The following AUH variants were observed in gnomAD, a reference collection of about 807,000 sequenced individuals.
AUH encodes AU RNA binding methylglutaconyl-CoA hydratase, also known as methylglutaconyl-CoA hydratase, mitochondrial.
In AUH, 29 loss-of-function variants were observed where a neutral mutation model predicts 42.3. That is an observed-to-expected ratio of 0.69 (90% CI 0.51 to 0.93). The LOEUF (loss-of-function observed/expected upper bound fraction) is 0.93, where lower values mean the gene tolerates loss of function less well. Ranked by LOEUF, AUH falls within the 40% of genes least tolerant of loss-of-function variation. The pLI is 0.00. For synonymous variants in AUH, 174 were observed against 166.4 expected, an observed-to-expected ratio of 1.05 and a Z score of -0.35; for missense variants, 452 against 438.1, an observed-to-expected ratio of 1.03 and a Z score of -0.28.
intron 6 of AUH, among the ~76,000 whole-genome samples, chr9:91,269,592 G>C (rs973564863): frequency 3.3e-5 from 5 of 152,110 alleles, no homozygotes; most frequent in African/African-American, 9.7e-5. Context: ...ATTTTATTCT[G>C]TATTAATGAA....
rs191784670 is a variant in AUH at position 91,286,482 on chromosome 9, T to G, written c.655+9539A>C. ...ACTATAGCTTCTTTTCCTGAAAAGT[T>G]TCTAAGATAATCCTAAAAATATGCC... On this transcript the variant is annotated intron_variant, in intron 6 of 9. Transcript: ENST00000375731. Among the ~76,000 whole-genome samples, 81 of 152,284 alleles carry G rather than the reference T, an allele frequency of 5.3e-4. 1 individual carries two copies. Among genetic ancestry groups the G allele is most frequent in the Non-Finnish European group, 9.9e-4 (67 of 68,002 alleles).
At chr9:91,330,143 AT>A (rs1323982353) in intron 3 of AUH, among the ~76,000 whole-genome samples, 1 of 152,234 alleles carries the variant, frequency 6.6e-6, no homozygotes, top group African/African-American at 2.4e-5. Context: ...TATAAGCTCA[AT>A]ATACAAAAAT....
rs778189176 is a variant in AUH at position 91,325,411 on chromosome 9, A to C, written c.419-7T>G. The C allele has an allele frequency of 1.2e-5, 20 of 1,612,932 alleles. No individual in the cohort carries two copies. The South Asian group carries it at 2.1e-4, about 17-fold the overall frequency. On this transcript the variant is annotated splice_polypyrimidine_tract_variant and splice_region_variant and intron_variant, in intron 3 of 9. Coordinates refer to ENST00000375731, the MANE Select transcript of AUH (RefSeq NM_001698.3). ...CTTTCCTTAAGGTCAGCACCTGCAAAGTATTTTATTTACAAATATAATCTA... is the reference window on the plus strand; with the variant it reads ...CTTTCCTTAAGGTCAGCACCTGCAACGTATTTTATTTACAAATATAATCTA...
intron 1 of AUH, among the ~76,000 whole-genome samples, chr9:91,359,861 C>G (rs1386349206): frequency 1.3e-5 from 2 of 152,190 alleles, no homozygotes; most frequent in Non-Finnish European, 2.9e-5. Flanking sequence ...TTTCTTTGCA[C>G]TGCTTATTGC....
rs1294061484 is a variant in AUH at position 91,214,026 on chromosome 9, T to C, written c.*322A>G. ...TAGACATACAATCAATATTATTCCCTAGAATGTGCAATATATAAATTATTC... is the reference window on the plus strand; with the variant it reads ...TAGACATACAATCAATATTATTCCCCAGAATGTGCAATATATAAATTATTC... On this transcript the variant is annotated 3_prime_UTR_variant, in exon 10 of 10. Transcript: ENST00000375731. The C allele has an allele frequency of 3.5e-6, 1 of 284,554 alleles. No individual in the cohort carries two copies. The highest frequency in any genetic ancestry group is 6.8e-6 in the Non-Finnish European group (1 of 147,494). The allele number at this position is 284,554 out of a possible 1,614,324, so 17.6% of individuals were successfully genotyped here.
At chr9:91,290,241 C>A (rs183127872) in intron 6 of AUH, among the ~76,000 whole-genome samples, 4 of 152,228 alleles carry the variant, frequency 2.6e-5, no homozygotes, top group Admixed American at 6.5e-5. Flanking sequence ...CATAGTGAGA[C>A]CCTGCCTCTA....
At chr9:91,310,998 C>T (rs1828661657) in intron 4 of AUH, among the ~76,000 whole-genome samples, 2 of 152,138 alleles carry the variant, frequency 1.3e-5, no homozygotes, top group African/African-American at 2.4e-5. Context: ...TCCCAATTCT[C>T]AAACTGAAAG....
At chr9:91,247,828 G>C (rs1280267294) in intron 6 of AUH, among the ~76,000 whole-genome samples, 1 of 152,136 alleles carries the variant, frequency 6.6e-6, no homozygotes, top group East Asian at 1.9e-4. Context: ...TGAAGTGTCT[G>C]CTTAAATATC....
intron 1 of AUH, among the ~76,000 whole-genome samples, chr9:91,359,017 G>C (rs1193535591): frequency 6.6e-6 from 1 of 152,000 alleles, no homozygotes; most frequent in African/African-American, 2.4e-5. Context: ...ACATAACCTA[G>C]AAAGTTTACC....
At chr9:91,294,374 TCCGTCTCTA>T (rs947356960) in intron 6 of AUH, among the ~76,000 whole-genome samples, 2 of 152,030 alleles carry the variant, frequency 1.3e-5, no homozygotes, top group African/African-American at 4.8e-5. Context: ...ATGGTGAAAC[TCCGTCTCTA>T]CAAAAAATAC....
intron 6 of AUH, among the ~76,000 whole-genome samples, chr9:91,224,840 C>T (rs1827345097): frequency 6.6e-6 from 1 of 152,102 alleles, no homozygotes; most frequent in Non-Finnish European, 1.5e-5. Context: ...ACTGTCCCCT[C>T]CACCCCTCAG....
intron 6 of AUH, among the ~76,000 whole-genome samples, chr9:91,252,484 AT>A (rs1472687643): frequency 6.6e-6 from 1 of 152,038 alleles, no homozygotes; most frequent in Non-Finnish European, 1.5e-5. Context: ...CATCACCCTC[AT>A]TTTGCAGAAC....
At chr9:91,249,970 C>A (rs1405242342) in intron 6 of AUH, among the ~76,000 whole-genome samples, 5 of 151,646 alleles carry the variant, frequency 3.3e-5, no homozygotes, top group Non-Finnish European at 7.4e-5. Context: ...TGAGATAGTG[C>A]CCCTGCACTC....
intron 3 of AUH, among the ~76,000 whole-genome samples, chr9:91,346,140 G>A (rs1831491077): frequency 6.6e-6 from 1 of 151,918 alleles, no homozygotes; most frequent in South Asian, 2.1e-4. Flanking sequence ...CTGAGTTTAT[G>A]CTAATGAACT....
chr9:91,298,658 C>T (rs1370188902), intron 4 of AUH, among the ~76,000 whole-genome samples: 1 of 152,190 alleles, frequency 6.6e-6, no homozygotes, highest in Admixed American at 6.5e-5. Context: ...GCAAGATGCC[C>T]TGAGAACCTG....
chr9:91,351,716 G>A (rs1478651868), intron 3 of AUH, among the ~76,000 whole-genome samples: 3 of 152,184 alleles, frequency 2.0e-5, no homozygotes, highest in African/African-American at 4.8e-5. Flanking sequence ...TCTCATAGGA[G>A]CACAAACCCT....
intron 6 of AUH, among the ~76,000 whole-genome samples, chr9:91,246,915 C>T (rs1485926152): frequency 1.3e-5 from 2 of 152,160 alleles, no homozygotes. Context: ...CATGCCTAAG[C>T]AGCGGAGCCA....
In AUH at chr9:91,277,425, A is replaced by C. The variant is rs1436330704; in HGVS notation, c.655+18596T>G. Among the ~76,000 whole-genome samples, 5 of 152,320 alleles carry C rather than the reference A, an allele frequency of 3.3e-5. No individual in the cohort carries two copies. The East Asian group carries it at 9.6e-4, about 29-fold the overall frequency. The stretch of plus-strand genomic sequence containing the variant: ...GAGAGTTCCTTAACATGATTAAGGA[A>C]GTATATCTCAAACTAAAAGCCAGGA... On this transcript the variant is annotated intron_variant, in intron 6 of 9. Coordinates refer to ENST00000375731, the MANE Select transcript of AUH (RefSeq NM_001698.3).
intron 4 of AUH, among the ~76,000 whole-genome samples, chr9:91,313,045 G>C (rs1338736295): frequency 6.6e-6 from 1 of 151,240 alleles, no homozygotes. Context: ...AAACTAATTG[G>C]TTAACAGGTT....
Sources: gnomAD v4.1 joint callset for allele counts (sites outside exome capture counted in the v4.1 genomes callset) on GRCh38, gnomAD v4.1.1 for gene constraint, MANE v1.5 for transcripts, NCBI Gene and HGNC (gene_info 2026-07-23, HGNC 2026-07-21) for gene names.